The following SAMD4B variants were observed in gnomAD, a reference collection of about 807,000 sequenced individuals.
SAMD4B encodes protein Smaug homolog 2.
SAMD4B carries 5 observed loss-of-function variants against 74.5 expected under a neutral mutation model. The ratio of observed to expected loss-of-function variants is 0.07; its 90% CI spans 0.04 to 0.14. The LOEUF is 0.14. Among genes scored for constraint, SAMD4B ranks in the 10% least tolerant of loss-of-function variants. SAMD4B has a pLI of 1.00. For synonymous variants in SAMD4B, 373 were observed against 374.9 expected (o/e 1.00, Z 0.06); for missense variants, 608 against 921.8 (o/e 0.66, Z 4.41).
At chr19:39,382,561 A>T (rs1405748584) in intron 12 of SAMD4B, among the ~76,000 whole-genome samples, 1 of 152,196 alleles carries the variant, frequency 6.6e-6, no homozygotes, top group African/African-American at 2.4e-5. Flanking sequence ...CCAGGTAAAC[A>T]GCTCGGACTT....
chr19:39,389,949 A>G, downstream of SAMD4B: 1 of 1,052,046 alleles, frequency 9.5e-7, no homozygotes, highest in African/African-American at 1.6e-5. The surrounding 1 kb of genome is among the most constrained non-coding windows in gnomAD (Gnocchi z 5.3). Context: ...TTGAGCAGCT[A>G]CTACTATGTG....
At chr19:39,363,833 G>C (rs1459153164) in intron 3 of SAMD4B, among the ~76,000 whole-genome samples, 3 of 152,216 alleles carry the variant, frequency 2.0e-5, no homozygotes, top group African/African-American at 7.2e-5. Flanking sequence ...GGACCATCTG[G>C]GTTCAATTGT....
chr19:39,358,295 T>C (rs556904417), intron 3 of SAMD4B, among the ~76,000 whole-genome samples: 23 of 152,276 alleles, frequency 1.5e-4, no homozygotes, highest in Admixed American at 1.1e-3. Flanking sequence ...AAAAAAGCAG[T>C]GTTCTTACGT....
At position 39,378,776 on chromosome 19, in the gene SAMD4B, A is replaced by G. The variant is rs534917431; in HGVS notation, c.1530+187A>G. On this transcript the variant is annotated intron_variant, in intron 9 of 13. Transcript: ENST00000610417. This position sits in a 1 kb window ranked among gnomAD's most constrained non-coding sequence, Gnocchi z 4.4. Reference sequence around the variant, plus strand: ...CAAAAAATTAGCCGGGCGTGGTGGCAGGTGCCTGCAGTCCCAGCTACGCGG... The same window carrying G: ...CAAAAAATTAGCCGGGCGTGGTGGCGGGTGCCTGCAGTCCCAGCTACGCGG... 6.6e-6 allele frequency among the ~76,000 whole-genome samples: 1 copy of G among 152,360 alleles called. No individual in the cohort carries two copies. The highest frequency in any genetic ancestry group is 1.5e-5 in the Non-Finnish European group (1 of 68,028).
intron 3 of SAMD4B, among the ~76,000 whole-genome samples, chr19:39,364,949 T>G (rs950384832): frequency 6.6e-6 from 1 of 152,004 alleles, no homozygotes; most frequent in Non-Finnish European, 1.5e-5. Context: ...GGGTAAAAAG[T>G]TCCCCCCTGG....
chr19:39,363,640 C>T (rs970041350), intron 3 of SAMD4B, among the ~76,000 whole-genome samples: 6 of 152,330 alleles, frequency 3.9e-5, no homozygotes, highest in East Asian at 1.9e-4. Flanking sequence ...AGAGGCCTTA[C>T]AGTCCCCATT....
At chr19:39,343,328 C>T (rs977103823) in intron 1 of SAMD4B, among the ~76,000 whole-genome samples, 1 of 150,734 alleles carries the variant, frequency 6.6e-6, no homozygotes, top group African/African-American at 2.4e-5. Flanking sequence ...ATTCCCCCTC[C>T]CAGAAGTCCT....
At chr19:39,376,618 C>T (rs1168975236) in intron 6 of SAMD4B, 72 bp downstream of exon 6, 17 of 1,579,008 alleles carry the variant, frequency 1.1e-5, no homozygotes, top group Non-Finnish European at 1.4e-5. Flanking sequence ...CCCAAGCCTC[C>T]TCTGTCTCCT....
intron 1 of SAMD4B, among the ~76,000 whole-genome samples, chr19:39,344,138 A>G (rs959660130): frequency 1.3e-5 from 2 of 151,046 alleles, no homozygotes; most frequent in South Asian, 2.1e-4. Context: ...TTCTAGAGAT[A>G]TCCCTCCCTG....
chr19:39,383,186 C>T lies in SAMD4B; in HGVS notation c.1973-22C>T. 1.9e-6 allele frequency: 3 copies of T among 1,607,712 alleles called. No individual in the cohort carries two copies. Among genetic ancestry groups the T allele is most frequent in the Non-Finnish European group, 2.6e-6 (3 of 1,174,146 alleles). ...GAGTCCAGTTGGTCCTTACCACCCCCATTCTCCTCTCTCCCACCCAGACTG... is the reference window on the plus strand; with the variant it reads ...GAGTCCAGTTGGTCCTTACCACCCCTATTCTCCTCTCTCCCACCCAGACTG... On this transcript the variant is annotated intron_variant, in intron 12 of 13. Transcript: ENST00000610417. This position sits in a 1 kb window ranked among gnomAD's most constrained non-coding sequence, Gnocchi z 4.1.
downstream of SAMD4B, chr19:39,388,609 T>A: frequency 6.2e-7 from 1 of 1,614,168 alleles, no homozygotes; most frequent in Non-Finnish European, 8.5e-7. Flanking sequence ...CGCTTTCGTT[T>A]CTTCAACGTC....
downstream of SAMD4B, chr19:39,389,904 G>T: frequency 8.3e-7 from 1 of 1,208,806 alleles, no homozygotes; most frequent in Non-Finnish European, 1.2e-6. This position sits in a 1 kb window ranked among gnomAD's most constrained non-coding sequence, Gnocchi z 5.3. Flanking sequence ...CTCCCCAGTG[G>T]GAAGGGACTT....
rs190334079 is a variant in SAMD4B, at chr19:39,384,625, G to C, written c.*1098G>C. 6.6e-6 allele frequency: 1 copy of C among 152,418 alleles called. No individual in the cohort carries two copies. Among genetic ancestry groups the C allele is most frequent in the Admixed American group, 6.6e-5 (1 of 15,240 alleles). The allele number at this position is 152,418 out of a possible 1,614,324, so 9.4% of individuals were successfully genotyped here. ...GAGATTCGTCCCAGCCCCAGAGTCC[G>C]ACAGACTGTCTGGTCCCTATTCCTA... On this transcript the variant is annotated 3_prime_UTR_variant, in exon 14 of 14. Transcript: ENST00000610417.
intron 1 of SAMD4B, among the ~76,000 whole-genome samples, chr19:39,343,755 C>T (rs2075492776): frequency 6.6e-6 from 1 of 151,992 alleles, no homozygotes; most frequent in South Asian, 2.1e-4. Flanking sequence ...TTTACATACT[C>T]CACATCTTTT....
chr19:39,370,103 T>C lies in SAMD4B; in HGVS notation c.645T>C (p.Ser215=), dbSNP rs766130208. The part of the protein sequence containing the change: ...PSSSVPPAIN[S]IGSNANTGLP... ...GCTCAGTGCCGCCAGCCATCAACAG[T>C]ATTGGGAGCAATGCAAACACAGGTA... The change falls in exon 4 of 14, where the codon AGT becomes AGC. Residue 215 remains serine, a synonymous_variant. Coordinates refer to ENST00000610417, the MANE Select transcript of SAMD4B (RefSeq NM_001384574.2). The C allele has an allele frequency of 1.1e-5, 17 of 1,597,890 alleles. No individual in the cohort carries two copies. The East Asian group carries it at 3.7e-4, about 34-fold the overall frequency.
At chr19:39,352,897 T>A (rs2076134124) in intron 1 of SAMD4B, among the ~76,000 whole-genome samples, 1 of 152,106 alleles carries the variant, frequency 6.6e-6, no homozygotes, top group Non-Finnish European at 1.5e-5. Context: ...ATATCAAACC[T>A]CCTGTCACAA....
At chr19:39,377,956 G>C in intron 8 of SAMD4B, 132 bp downstream of exon 8, 1 of 888,438 alleles carries the variant, frequency 1.1e-6, no homozygotes, top group South Asian at 1.8e-5. Flanking sequence ...GAACACTACA[G>C]AGAGTAGCCA....
intron 1 of SAMD4B, among the ~76,000 whole-genome samples, 180 bp downstream of exon 1, chr19:39,342,756 C>T (rs1034742186): frequency 2.6e-5 from 4 of 151,322 alleles, no homozygotes; most frequent in African/African-American, 4.8e-5. Flanking sequence ...GGAGAAGCCC[C>T]GCGCCCGTCC....
At chr19:39,348,184 A>G (rs2087082416) in intron 1 of SAMD4B, 1 of 152,188 alleles carries the variant, frequency 6.6e-6, no homozygotes, top group African/African-American at 2.4e-5. Context: ...TTTATCACAG[A>G]TATTTATTGA....
Sources: gnomAD v4.1 joint callset for allele counts (sites outside exome capture counted in the v4.1 genomes callset) on GRCh38, gnomAD v4.1.1 for gene constraint, Gnocchi (gnomAD v3.1) non-coding constraint, MANE v1.5 for transcripts, NCBI Gene and HGNC (gene_info 2026-07-23, HGNC 2026-07-21) for gene names.